Variants in SPPL2A observed in about 807,000 individuals in gnomAD.
SPPL2A encodes signal peptide peptidase-like 2A.
Under a neutral mutation model 63.8 loss-of-function variants are expected in SPPL2A, and 51 were observed. The ratio of observed to expected loss-of-function variants is 0.80; its 90% CI spans 0.64 to 1.01. The LOEUF is 1.01. Ranked by LOEUF, SPPL2A falls within the 50% of genes least tolerant of loss-of-function variation. SPPL2A has a pLI of 0.00. For synonymous variants in SPPL2A, 188 were observed against 205.8 expected (o/e 0.91, Z 0.74); for missense variants, 553 against 622.7 (o/e 0.89, Z 1.19).
chr15:50,763,723 C>T (rs1041271413), intron 1 of SPPL2A, among the ~76,000 whole-genome samples: 2 of 152,002 alleles, frequency 1.3e-5, no homozygotes. Flanking sequence ...ATAGTGAAAC[C>T]CCCATCTCTA....
At chr15:50,711,476 G>T (rs1175088977) in intron 14 of SPPL2A, among the ~76,000 whole-genome samples, 4 of 152,134 alleles carry the variant, frequency 2.6e-5, no homozygotes, top group Non-Finnish European at 4.4e-5. Context: ...CTCCCAAACT[G>T]CTGGGATTAC....
chr15:50,721,589 A>C (rs7170303), intron 13 of SPPL2A, among the ~76,000 whole-genome samples: 45,649 of 150,776 alleles, frequency 0.3, 7,399 homozygotes, highest in East Asian at 0.57. Flanking sequence ...ACCACCACAC[A>C]CAGCTAATAC....
chr15:50,725,661 C>T (rs113204248), intron 11 of SPPL2A: 72 of 212,386 alleles, frequency 3.4e-4, no homozygotes, highest in African/African-American at 1.6e-3. Context: ...AAACTCCTGA[C>T]CTCAGGTGAT....
chr15:50,718,316 T>C (rs2062616000), intron 14 of SPPL2A, among the ~76,000 whole-genome samples: 1 of 152,088 alleles, frequency 6.6e-6, no homozygotes. Context: ...TAGGCCTCTT[T>C]CCAACTTGAT....
intron 1 of SPPL2A, among the ~76,000 whole-genome samples, chr15:50,760,570 C>T (rs1409158204): frequency 6.6e-6 from 1 of 152,000 alleles, no homozygotes; most frequent in Non-Finnish European, 1.5e-5. Context: ...GATGTCTTTT[C>T]TTAAAATGGC....
At chr15:50,743,703 A>G (rs1055685261) in intron 5 of SPPL2A, among the ~76,000 whole-genome samples, 1 of 152,188 alleles carries the variant, frequency 6.6e-6, no homozygotes, top group Non-Finnish European at 1.5e-5. Flanking sequence ...CAGTTTGAGA[A>G]GCACTATTCT....
chr15:50,733,279 C>T (rs916619311), intron 8 of SPPL2A, among the ~76,000 whole-genome samples: 1 of 152,088 alleles, frequency 6.6e-6, no homozygotes, highest in Non-Finnish European at 1.5e-5. Flanking sequence ...CTGCATAAAG[C>T]TGTATGAGCT....
At chr15:50,731,665 T>G (rs1038099372) in intron 9 of SPPL2A, among the ~76,000 whole-genome samples, 1 of 151,370 alleles carries the variant, frequency 6.6e-6, no homozygotes, top group Non-Finnish European at 1.5e-5. Context: ...CAGTGGCTCA[T>G]GCCCGTAATC....
Position 50,707,866 on chromosome 15 carries a change from G to A in SPPL2A, c.1497C>T (p.Asp499=). 6.3e-7 allele frequency: 1 copy of A among 1,580,944 alleles called. No homozygotes were observed. The highest frequency in any genetic ancestry group is 8.7e-7 in the Non-Finnish European group (1 of 1,149,856). The part of the protein sequence containing the change: ...FWKGNSYQMM[D]HLDCATNEEN... ...CTTCATTTGTTGCACAATCCAAATG[G>A]TCCATCATCTAGGCATAAATAAAAG... is the stretch of plus-strand genomic sequence containing the variant. Residue 499 remains aspartate (D), a synonymous_variant, in exon 15 of 15, where the codon GAC becomes GAT. Transcript: ENST00000261854.
At chr15:50,762,335 T>A (rs2063019198) in intron 1 of SPPL2A, among the ~76,000 whole-genome samples, 1 of 143,180 alleles carries the variant, frequency 7.0e-6, no homozygotes. Context: ...ACCACTGCAC[T>A]CCAGCCTGGA....
intron 1 of SPPL2A, among the ~76,000 whole-genome samples, chr15:50,751,997 A>G (rs1217861300): frequency 6.6e-6 from 1 of 151,764 alleles, no homozygotes; most frequent in Non-Finnish European, 1.5e-5. Context: ...CGCACAGCTA[A>G]TTTTTTGTAT....
chr15:50,729,727 T>C (rs1316321038), intron 10 of SPPL2A, among the ~76,000 whole-genome samples: 1 of 152,232 alleles, frequency 6.6e-6, no homozygotes, highest in African/African-American at 2.4e-5. Flanking sequence ...ATTTGTTACC[T>C]ATTACAATTT....
rs2062895122 is a variant in SPPL2A at position 50,750,141 on chromosome 15, T to C, written c.67-395A>G. The stretch of plus-strand genomic sequence containing the variant: ...CTTTTTGACACAGAGTCTTGCTCTG[T>C]CACCTAGACTGGAGTGCAGTAGCAC... On this transcript the variant is annotated intron_variant, in intron 1 of 14. Coordinates refer to ENST00000261854, the MANE Select transcript of SPPL2A (RefSeq NM_032802.4). Among the ~76,000 whole-genome samples the C allele has an allele frequency of 3.9e-5, 6 of 152,180 alleles. No homozygotes were observed. In the South Asian group the frequency reaches 1.2e-3, roughly 32 times the overall value.
intron 5 of SPPL2A, among the ~76,000 whole-genome samples, chr15:50,745,928 G>A (rs2062853928): frequency 6.6e-6 from 1 of 151,928 alleles, no homozygotes; most frequent in African/African-American, 2.4e-5. Flanking sequence ...GCAGGCACCT[G>A]TAATCCCAGC....
At chr15:50,760,737 C>T (rs1006188899) in intron 1 of SPPL2A, among the ~76,000 whole-genome samples, 3 of 152,114 alleles carry the variant, frequency 2.0e-5, no homozygotes, top group African/African-American at 7.2e-5. Context: ...CAATTCATTC[C>T]ACAGCACAGC....
intron 10 of SPPL2A, among the ~76,000 whole-genome samples, chr15:50,728,430 G>A (rs1490904111): frequency 8.6e-5 from 13 of 151,140 alleles, no homozygotes; most frequent in African/African-American, 3.2e-4. Flanking sequence ...TGCAAGCTCT[G>A]CCTCCTGGGT....
intron 1 of SPPL2A, among the ~76,000 whole-genome samples, chr15:50,754,794 C>T (rs1216410066): frequency 6.6e-6 from 1 of 151,924 alleles, no homozygotes; most frequent in African/African-American, 2.4e-5. Flanking sequence ...ACCAGCCTGA[C>T]CAACATGGAG....
At chr15:50,758,194 C>T (rs1311456602) in intron 1 of SPPL2A, among the ~76,000 whole-genome samples, 1 of 148,440 alleles carries the variant, frequency 6.7e-6, no homozygotes, top group African/African-American at 2.5e-5. Flanking sequence ...GAGGCTGAGG[C>T]AGGAGAATGG....
chr15:50,765,500 C>T lies in SPPL2A; in HGVS notation c.34G>A (p.Ala12Thr), dbSNP rs1460459414. The T allele has an allele frequency of 6.7e-7, 1 of 1,502,864 alleles. No individual in the cohort carries two copies. Among genetic ancestry groups the T allele is most frequent in the East Asian group, 2.7e-5 (1 of 36,452 alleles). 93.1% of individuals were successfully genotyped at this position (1,502,864 alleles called of 1,614,324 possible). The change falls in exon 1 of 15, where the codon GCC becomes ACC. Residue 12 changes from alanine to threonine, a missense_variant. Transcript: ENST00000261854. ...GPQRRLSPAG[A>T]ALLWGFLLQL... ...AGCAGGAAGCCCCAGAGTAGGGCGGCCCCGGCAGGGGACAGCCGCCGCTGC... is the reference window on the plus strand; with the variant it reads ...AGCAGGAAGCCCCAGAGTAGGGCGGTCCCGGCAGGGGACAGCCGCCGCTGC...
Sources: gnomAD v4.1 joint callset for allele counts (sites outside exome capture counted in the v4.1 genomes callset) on GRCh38, gnomAD v4.1.1 for gene constraint, MANE v1.5 for transcripts, NCBI Gene and HGNC (gene_info 2026-07-23, HGNC 2026-07-21) for gene names.